Variants in RBFOX1 observed in about 807,000 individuals in gnomAD.
RBFOX1 encodes RNA binding fox-1 homolog 1.
A neutral mutation model predicts 57.7 loss-of-function variants in RBFOX1; 8 were observed. That is an observed-to-expected ratio of 0.14 (90% CI 0.08 to 0.25). The LOEUF is 0.25. Among genes scored for constraint, RBFOX1 ranks in the 10% least tolerant of loss-of-function variants. RBFOX1 has a pLI of 1.00. For synonymous variants in RBFOX1, 326 were observed against 222.4 expected, an observed-to-expected ratio of 1.47 and a Z score of -4.15; for missense variants, 611 against 548.5, an observed-to-expected ratio of 1.11 and a Z score of -1.14.
intron 1 of RBFOX1, among the ~76,000 whole-genome samples, chr16:6,066,879 G>C (rs1379107117): frequency 1.3e-5 from 2 of 151,990 alleles, no homozygotes; most frequent in Non-Finnish European, 2.9e-5. Flanking sequence ...AATTGCTTTA[G>C]ACTTAACAGG....
intron 4 of RBFOX1, among the ~76,000 whole-genome samples, chr16:7,373,467 C>A (rs139058405): frequency 6.6e-6 from 1 of 152,228 alleles, no homozygotes; most frequent in East Asian, 1.9e-4. Flanking sequence ...TAAGTGATGT[C>A]CGTTCTCTCC....
intron 4 of RBFOX1, among the ~76,000 whole-genome samples, chr16:7,169,272 G>A (rs1045856316): frequency 6.6e-6 from 1 of 152,182 alleles, no homozygotes; most frequent in Non-Finnish European, 1.5e-5. Context: ...GTAATGCTAA[G>A]AATTTTGAGT....
chr16:7,358,043 A>G (rs2097251832), intron 4 of RBFOX1, among the ~76,000 whole-genome samples: 1 of 152,224 alleles, frequency 6.6e-6, no homozygotes, highest in South Asian at 2.1e-4. Flanking sequence ...CTGAGCTCGA[A>G]CCAGCCTTGT....
intron 1 of RBFOX1, among the ~76,000 whole-genome samples, chr16:6,217,339 A>G (rs1285749598): frequency 6.6e-6 from 1 of 152,046 alleles, no homozygotes; most frequent in East Asian, 1.9e-4. Flanking sequence ...TCTGTATTTT[A>G]ACTTTTCTGA....
chr16:7,696,725 T>A (rs2079758), intron 14 of RBFOX1, among the ~76,000 whole-genome samples: 148,899 of 152,264 alleles, frequency 0.98, 72,899 homozygotes, highest in East Asian at 1. Context: ...GTAAGTTATG[T>A]ACTTACTGTA....
chr16:6,483,834 C>G, intron 2 of RBFOX1: 4 of 1,254,356 alleles, frequency 3.2e-6, no homozygotes, highest in East Asian at 3.3e-5. Flanking sequence ...GAATAGGGGA[C>G]TTGGCCGTGG....
At chr16:6,686,540 T>A (rs999472662) in intron 3 of RBFOX1, among the ~76,000 whole-genome samples, 1 of 152,174 alleles carries the variant, frequency 6.6e-6, no homozygotes, top group Non-Finnish European at 1.5e-5. Context: ...ATTATATACA[T>A]CTTGGGAACA....
chr16:7,076,320 C>G (rs1655926807), intron 4 of RBFOX1, among the ~76,000 whole-genome samples: 1 of 152,086 alleles, frequency 6.6e-6, no homozygotes, highest in Non-Finnish European at 1.5e-5. Flanking sequence ...GCGTGAACCA[C>G]CACTCCCGGC....
chr16:6,929,477 A>G (rs111529773), intron 3 of RBFOX1, among the ~76,000 whole-genome samples: 2 of 152,218 alleles, frequency 1.3e-5, no homozygotes, highest in African/African-American at 4.8e-5. Flanking sequence ...TATTCTAAGC[A>G]GTTTTTGACA....
intron 1 of RBFOX1, among the ~76,000 whole-genome samples, chr16:6,232,263 G>T (rs1044819393): frequency 1.4e-4 from 21 of 152,160 alleles, no homozygotes; most frequent in Non-Finnish European, 1.9e-4. Flanking sequence ...CACACCAGGA[G>T]GGACCTCATC....
intron 3 of RBFOX1, among the ~76,000 whole-genome samples, chr16:6,675,148 C>G (rs1317937327): frequency 6.6e-6 from 1 of 152,120 alleles, no homozygotes; most frequent in South Asian, 2.1e-4. Context: ...TCGTGATCCG[C>G]CCACCTCGGC....
intron 4 of RBFOX1, among the ~76,000 whole-genome samples, chr16:7,420,156 C>G (rs911645932): frequency 7.9e-5 from 12 of 152,060 alleles, no homozygotes; most frequent in Non-Finnish European, 1.8e-4. Context: ...GATATATGCT[C>G]TCTCTCCAGT....
intron 1 of RBFOX1, among the ~76,000 whole-genome samples, chr16:5,367,922 C>T (rs1387605703): frequency 2.0e-5 from 3 of 152,202 alleles, no homozygotes; most frequent in Non-Finnish European, 4.4e-5. Flanking sequence ...AGAAGATCCA[C>T]ACCTCATGCA....
chr16:6,403,167 T>C (rs890053965), intron 2 of RBFOX1, among the ~76,000 whole-genome samples: 19 of 152,092 alleles, frequency 1.2e-4, no homozygotes, highest in African/African-American at 4.1e-4. Flanking sequence ...ACCTGGGAGA[T>C]TGTTAGAACT....
intron 4 of RBFOX1, among the ~76,000 whole-genome samples, chr16:7,351,080 C>G (rs1470330596): frequency 1.3e-5 from 2 of 152,156 alleles, no homozygotes; most frequent in African/African-American, 2.4e-5. Context: ...GCTGGTTTTC[C>G]TTTTATTTTA....
At chr16:5,856,575 G>GTGTGTATATA (rs1192496608) in intron 3 of RBFOX1, among the ~76,000 whole-genome samples, 2 of 32,926 alleles carry the variant, frequency 6.1e-5, no homozygotes, top group African/African-American at 2.5e-4. Context: ...GTGTGTGTGT[G>GTGTGTATATA]TATATATATA....
chr16:5,885,503 G>A (rs767033573), intron 4 of RBFOX1, among the ~76,000 whole-genome samples: 4 of 152,104 alleles, frequency 2.6e-5, no homozygotes, highest in Non-Finnish European at 5.9e-5. Context: ...AATGGAGTCA[G>A]AGGGTTCACA....
At chr16:6,528,245 A>T (rs901735321) in intron 2 of RBFOX1, among the ~76,000 whole-genome samples, 9 of 152,188 alleles carry the variant, frequency 5.9e-5, no homozygotes, top group Non-Finnish European at 1.3e-4. Flanking sequence ...ATCCCATGGA[A>T]ATACCAGCAT....
At chr16:6,131,581 G>A (rs958657182) in intron 1 of RBFOX1, among the ~76,000 whole-genome samples, 13 of 152,284 alleles carry the variant, frequency 8.5e-5, no homozygotes, top group Admixed American at 2.6e-4. Context: ...TGACTCTCAA[G>A]TTTATAAAAC....
Sources: gnomAD v4.1 joint callset for allele counts (sites outside exome capture counted in the v4.1 genomes callset) on GRCh38, gnomAD v4.1.1 for gene constraint, MANE v1.5 for transcripts, NCBI Gene and HGNC (gene_info 2026-07-23, HGNC 2026-07-21) for gene names.